The following DPYD variants were observed in gnomAD, a reference collection of about 807,000 sequenced individuals.
The protein encoded by DPYD is dihydropyrimidine dehydrogenase [NADP(+)].
Under a neutral mutation model 116.2 loss-of-function variants are expected in DPYD, and 109 were observed. The ratio of observed to expected loss-of-function variants is 0.94; its 90% CI spans 0.80 to 1.10. The LOEUF (loss-of-function observed/expected upper bound fraction) is 1.10, where lower values mean the gene tolerates loss of function less well. Ranked by LOEUF, DPYD falls within the 50% of genes least tolerant of loss-of-function variation. DPYD has a pLI of 0.00. For synonymous variants in DPYD, 440 were observed against 432.0 expected, an observed-to-expected ratio of 1.02 and a Z score of -0.23; for missense variants, 1,302 against 1,254.5, an observed-to-expected ratio of 1.04 and a Z score of -0.57.
intron 20 of DPYD, among the ~76,000 whole-genome samples, chr1:97,101,077 C>T (rs912907970): frequency 3.3e-5 from 5 of 150,864 alleles, no homozygotes; most frequent in African/African-American, 9.8e-5. Flanking sequence ...GGAAAACTTG[C>T]CAATTTTTTT....
intron 13 of DPYD, among the ~76,000 whole-genome samples, chr1:97,513,108 T>C (rs990082749): frequency 1.3e-5 from 2 of 151,748 alleles, no homozygotes; most frequent in African/African-American, 4.8e-5. Context: ...CATTTCACTG[T>C]AAGTCAATGG....
chr1:97,770,057 A>C (rs565377906), intron 3 of DPYD, among the ~76,000 whole-genome samples: 53 of 152,218 alleles, frequency 3.5e-4, no homozygotes, highest in Non-Finnish European at 5.0e-4. Flanking sequence ...AAGATCTGAG[A>C]GGAAGGGCAT....
chr1:97,354,620 A>G (rs1412729110), intron 16 of DPYD, among the ~76,000 whole-genome samples: 2 of 152,196 alleles, frequency 1.3e-5, no homozygotes, highest in East Asian at 3.8e-4. Flanking sequence ...AAATCAGAAC[A>G]AGTTATGGAG....
chr1:97,781,652 G>A (rs924897191), intron 3 of DPYD, among the ~76,000 whole-genome samples: 11 of 152,154 alleles, frequency 7.2e-5, no homozygotes, highest in African/African-American at 2.7e-4. Context: ...GAGTTCCTGA[G>A]AGTATCCATG....
At chr1:97,487,818 C>T (rs1678733527) in intron 13 of DPYD, among the ~76,000 whole-genome samples, 1 of 152,152 alleles carries the variant, frequency 6.6e-6, no homozygotes, top group Non-Finnish European at 1.5e-5. Flanking sequence ...TTATACATTG[C>T]TTGTGGGAAT....
intron 8 of DPYD, among the ~76,000 whole-genome samples, chr1:97,634,932 G>C (rs1468790622): frequency 6.6e-6 from 1 of 150,952 alleles, no homozygotes; most frequent in Admixed American, 6.6e-5. Context: ...CCTTTAACTA[G>C]AGACAAAGCC....
intron 2 of DPYD, among the ~76,000 whole-genome samples, chr1:97,867,251 A>C (rs2101607307): frequency 6.6e-6 from 1 of 151,740 alleles, no homozygotes; most frequent in Non-Finnish European, 1.5e-5. Flanking sequence ...GTAGTTCTAA[A>C]CTCTGTCCTA....
intron 14 of DPYD, among the ~76,000 whole-genome samples, chr1:97,393,620 G>A (rs1449112986): frequency 6.6e-6 from 1 of 151,622 alleles, no homozygotes; most frequent in Non-Finnish European, 1.5e-5. Context: ...AAAGGACATG[G>A]ACTCATCCTT....
intron 5 of DPYD, among the ~76,000 whole-genome samples, chr1:97,706,156 G>C (rs1338278091): frequency 6.6e-6 from 1 of 151,616 alleles, no homozygotes; most frequent in East Asian, 1.9e-4. Context: ...CATACATTCT[G>C]ATAAAATAGA....
chr1:97,845,653 G>GT (rs1312010025), intron 2 of DPYD, among the ~76,000 whole-genome samples: 1 of 152,210 alleles, frequency 6.6e-6, no homozygotes, highest in African/African-American at 2.4e-5. Flanking sequence ...TGAAAGAGCA[G>GT]TAACAAAAAT....
chr1:97,472,797 T>C (rs1269921610), intron 13 of DPYD, among the ~76,000 whole-genome samples: 2 of 152,220 alleles, frequency 1.3e-5, no homozygotes, highest in African/African-American at 4.8e-5. Context: ...AATGTTCCCC[T>C]AATTATTTAC....
rs117295638 is a variant in DPYD at position 97,437,263 on chromosome 1, T to G, written c.1905+12796A>C. On this transcript the variant is annotated intron_variant, in intron 14 of 22. Transcript: ENST00000370192. ...CAGATCAGTTCACATTTTCTAGTTT[T>G]AGGATGACATAATAATATATGTACT... 4.0e-5 allele frequency among the ~76,000 whole-genome samples: 6 copies of G among 151,552 alleles called. No individual in the cohort carries two copies. In the East Asian group the frequency reaches 1.2e-3, roughly 29 times the overall value.
intron 14 of DPYD, among the ~76,000 whole-genome samples, chr1:97,393,538 G>A (rs577664247): frequency 6.6e-6 from 1 of 151,908 alleles, no homozygotes; most frequent in African/African-American, 2.4e-5. Context: ...GTGAGAACAT[G>A]CGGTGTTTGG....
chr1:97,470,844 G>A (rs912609359), intron 13 of DPYD, among the ~76,000 whole-genome samples: 1 of 152,126 alleles, frequency 6.6e-6, no homozygotes, highest in African/African-American at 2.4e-5. Flanking sequence ...ACAAAAATTA[G>A]CAGGGCGTGG....
intron 20 of DPYD, among the ~76,000 whole-genome samples, chr1:97,119,337 T>C (rs1183265780): frequency 6.6e-6 from 1 of 152,160 alleles, no homozygotes; most frequent in Admixed American, 6.6e-5. Context: ...TGTCCCGCTT[T>C]GCAGCCCAGT....
intron 20 of DPYD, among the ~76,000 whole-genome samples, chr1:97,136,781 A>T (rs1348301855): frequency 9.2e-5 from 14 of 152,216 alleles, no homozygotes; most frequent in Non-Finnish European, 1.9e-4. Flanking sequence ...AAAGAAGGCA[A>T]GAACGCAAAT....
chr1:97,523,391 T>C (rs1054892542), intron 12 of DPYD, among the ~76,000 whole-genome samples: 6 of 152,194 alleles, frequency 3.9e-5, no homozygotes, highest in Middle Eastern at 3.2e-3. Flanking sequence ...TCACTTACAA[T>C]AAAATTTCTA....
Position 97,679,122 on chromosome 1 carries a change from CT to C in DPYD, c.822del (p.Gly275AlafsTer9), listed in dbSNP as rs749881640. 13 of 1,582,770 alleles carry C rather than the reference CT, an allele frequency of 8.2e-6. No homozygotes were observed. Among genetic ancestry groups the C allele is most frequent in the South Asian group, 3.5e-5 (3 of 86,232 alleles). On this transcript the variant is annotated frameshift_variant, in exon 8 of 23. Transcript: ENST00000370192. LOFTEE classifies it high-confidence loss of function. Reference protein sequence around the residue: ...NEMTLSTLKEKGYKAAFIGIG... With the variant: ...NEMTLSTLKEXGYKAAFIGIG... Reference sequence around the variant, plus strand: ...ATTCCAATGAAAGCAGCTTTGTAGCCTTTTTCTTTCAAAGTGCTAAGAGTCA... The same window carrying C: ...ATTCCAATGAAAGCAGCTTTGTAGCCTTTTCTTTCAAAGTGCTAAGAGTCA...
chr1:97,516,048 C>CA, intron 12 of DPYD, 107 bp from the exon 13 acceptor site: 1 of 1,112,692 alleles, frequency 9.0e-7, no homozygotes, highest in South Asian at 1.3e-5. Context: ...ATATAGATTA[C>CA]AACAGTCTGT....
Sources: gnomAD v4.1 joint callset for allele counts (sites outside exome capture counted in the v4.1 genomes callset) on GRCh38, gnomAD v4.1.1 for gene constraint, MANE v1.5 for transcripts, NCBI Gene and HGNC (gene_info 2026-07-23, HGNC 2026-07-21) for gene names.